CDH11: variants seen among roughly 807,000 people sequenced by gnomAD.
CDH11 encodes the protein cadherin-11.
Under a neutral mutation model 67.8 loss-of-function variants are expected in CDH11, and 11 were observed. That is an observed-to-expected ratio of 0.16 (90% CI 0.10 to 0.27). CDH11 has a LOEUF of 0.27. Among genes scored for constraint, CDH11 ranks in the 10% least tolerant of loss-of-function variants. The pLI is 1.00. For synonymous variants in CDH11, 419 were observed against 400.0 expected (o/e 1.05, Z -0.57); for missense variants, 847 against 1,031.2 (o/e 0.82, Z 2.45).
chr16:65,121,017 C>A lies in CDH11; in HGVS notation c.-298+863G>T, dbSNP rs1007991703. On this transcript the variant is annotated intron_variant, in intron 1 of 12. Coordinates refer to ENST00000268603, the MANE Select transcript of CDH11 (RefSeq NM_001797.4). The surrounding 1 kb of genome is among the most constrained non-coding windows in gnomAD (Gnocchi z 4.1). ...CGGGGCAGAGCGCAGGGAGGGAGGC[C>A]GTGCGTGCCGGGAGCTAGAGAGGCT... 1.3e-5 allele frequency among the ~76,000 whole-genome samples: 2 copies of A among 152,186 alleles called. No homozygotes were observed. Among genetic ancestry groups the A allele is most frequent in the Non-Finnish European group, 2.9e-5 (2 of 68,034 alleles).
In CDH11 at chr16:64,950,780, G is replaced by T. The variant is rs1275134194; in HGVS notation, c.1881C>A (p.Ile627=). ...AAGCGCCCTTACCCAGGAGAATGACGATGCAGGCGAGGATGGCGATCAGGG... is the reference window on the plus strand; with the variant it reads ...AAGCGCCCTTACCCAGGAGAATGACTATGCAGGCGAGGATGGCGATCAGGG... ...TGALIAILAC[I]VILLVIVVLF... The change falls in exon 12 of 13, where the codon ATC becomes ATA. Residue 627 remains isoleucine (I), a synonymous_variant. Transcript: ENST00000268603. The T allele has an allele frequency of 6.2e-7, 1 of 1,613,696 alleles. No homozygotes were observed. Among genetic ancestry groups the T allele is most frequent in the South Asian group, 1.1e-5 (1 of 91,066 alleles).
intron 1 of CDH11, among the ~76,000 whole-genome samples, chr16:65,074,414 C>T (rs1029336070): frequency 1.2e-4 from 18 of 152,278 alleles, no homozygotes; most frequent in Admixed American, 5.9e-4. Context: ...TGCAACCCCC[C>T]GGCTTAACTT....
At chr16:65,000,141 G>A (rs1000241475) in intron 3 of CDH11, among the ~76,000 whole-genome samples, 2 of 152,250 alleles carry the variant, frequency 1.3e-5, no homozygotes, top group South Asian at 2.1e-4. Context: ...GATGATATTT[G>A]CCTAAATTCA....
chr16:65,118,108 T>C (rs1269609982), intron 1 of CDH11, among the ~76,000 whole-genome samples: 5 of 152,184 alleles, frequency 3.3e-5, no homozygotes, highest in East Asian at 1.9e-4. Flanking sequence ...CCGCTTTTCA[T>C]GATGCCCTCA....
At chr16:65,064,400 A>C (rs563861891) in intron 1 of CDH11, among the ~76,000 whole-genome samples, 2 of 152,342 alleles carry the variant, frequency 1.3e-5, no homozygotes, top group South Asian at 4.1e-4. Context: ...TGTTTCTGAC[A>C]CAAATTTACT....
intron 2 of CDH11, among the ~76,000 whole-genome samples, chr16:65,022,051 C>T (rs2073439042): frequency 6.6e-6 from 1 of 152,058 alleles, no homozygotes; most frequent in South Asian, 2.1e-4. Flanking sequence ...CTTTTACTCA[C>T]TAAGCTACAG....
chr16:64,954,000 T>C (rs2071435020), intron 11 of CDH11, among the ~76,000 whole-genome samples: 1 of 152,212 alleles, frequency 6.6e-6, no homozygotes, highest in Non-Finnish European at 1.5e-5. Flanking sequence ...ATTTAAAATC[T>C]ATTCTTCAAT....
intron 7 of CDH11, chr16:64,985,594 A>C (rs1427910589): frequency 6.6e-6 from 1 of 151,790 alleles, no homozygotes; most frequent in Admixed American, 6.6e-5. Flanking sequence ...TTCATGTCCC[A>C]TGTGCATAGG....
intron 1 of CDH11, among the ~76,000 whole-genome samples, chr16:65,054,265 T>G (rs1456724619): frequency 6.6e-6 from 1 of 152,178 alleles, no homozygotes; most frequent in East Asian, 1.9e-4. Context: ...GGGGAAGGTA[T>G]GAAAACTTAG....
At chr16:65,016,693 C>T (rs2073317249) in intron 2 of CDH11, among the ~76,000 whole-genome samples, 1 of 152,160 alleles carries the variant, frequency 6.6e-6, no homozygotes, top group African/African-American at 2.4e-5. Flanking sequence ...GGGTTCTTGG[C>T]TTCACACAGG....
intron 1 of CDH11, among the ~76,000 whole-genome samples, chr16:65,071,287 G>A (rs575482800): frequency 3.3e-5 from 5 of 152,244 alleles, no homozygotes; most frequent in African/African-American, 4.8e-5. Context: ...ACATAGCAAC[G>A]GAAAATGCCA....
At chr16:65,072,237 C>T (rs534566901) in intron 1 of CDH11, 1 of 152,660 alleles carries the variant, frequency 6.6e-6, no homozygotes, top group Non-Finnish European at 1.5e-5. Flanking sequence ...GGAGAGGCGG[C>T]TCCTGATCCC....
At chr16:64,994,567 A>G (rs898111252) in intron 4 of CDH11, among the ~76,000 whole-genome samples, 2 of 152,188 alleles carry the variant, frequency 1.3e-5, no homozygotes, top group African/African-American at 2.4e-5. Context: ...TCTCAAAATA[A>G]TAAGAGCAAT....
At chr16:64,984,713 A>T (rs1417450542) in intron 7 of CDH11, 1 of 152,244 alleles carries the variant, frequency 6.6e-6, no homozygotes, top group African/African-American at 2.4e-5. Flanking sequence ...GTGAGATTTT[A>T]TTAAGGACAT....
intron 4 of CDH11, among the ~76,000 whole-genome samples, chr16:64,997,496 C>T (rs994721647): frequency 5.3e-5 from 8 of 151,882 alleles, no homozygotes; most frequent in African/African-American, 1.7e-4. Flanking sequence ...CCTTTCCACC[C>T]CATCCCCACC....
chr16:65,037,921 C>A (rs1004587824), intron 2 of CDH11, among the ~76,000 whole-genome samples: 7 of 152,088 alleles, frequency 4.6e-5, no homozygotes, highest in African/African-American at 1.4e-4. Context: ...TGAATCCAAC[C>A]CCTCTGATGA....
At position 64,973,047 on chromosome 16, in the gene CDH11, A is replaced by C; in HGVS notation, c.1254-7T>G. 6.2e-7 allele frequency: 1 copy of C among 1,612,948 alleles called. No individual in the cohort carries two copies. Among genetic ancestry groups the C allele is most frequent in the Non-Finnish European group, 8.5e-7 (1 of 1,179,498 alleles). On this transcript the variant is annotated splice_region_variant and splice_polypyrimidine_tract_variant and intron_variant, in intron 8 of 12. Transcript: ENST00000268603. ...GTGACGATCGATGGAATACCTAAGC[A>C]GAATGCAAATGAGGCAATTAGACCA...
intron 1 of CDH11, among the ~76,000 whole-genome samples, chr16:65,098,418 C>A (rs1344902877): frequency 6.6e-6 from 1 of 152,140 alleles, no homozygotes; most frequent in East Asian, 1.9e-4. Flanking sequence ...GACCCTCCTT[C>A]TCTGGGTATG....
At position 64,945,544 on chromosome 16, in the gene CDH11, G is replaced by A; in HGVS notation, c.*2059C>T. The A allele has an allele frequency of 9.7e-7, 1 of 1,030,556 alleles. No homozygotes were observed. Among genetic ancestry groups the A allele is most frequent in the Non-Finnish European group, 1.2e-6 (1 of 856,732 alleles). The allele number at this position is 1,030,556 out of a possible 1,614,324, so 63.8% of individuals were successfully genotyped here. Reference sequence around the variant, plus strand: ...TCATTGCAAATTCAATTGGAGATCTGTGCAAATCTAGCAAAATATTCTTTG... The same window carrying A: ...TCATTGCAAATTCAATTGGAGATCTATGCAAATCTAGCAAAATATTCTTTG... On this transcript the variant is annotated 3_prime_UTR_variant, in exon 13 of 13. Coordinates refer to ENST00000268603, the MANE Select transcript of CDH11 (RefSeq NM_001797.4).
Sources: allele counts gnomAD v4.1 joint callset (sites outside exome capture counted in the v4.1 genomes callset), GRCh38; gene constraint gnomAD v4.1.1; non-coding constraint Gnocchi (gnomAD v3.1); transcripts MANE v1.5; gene names NCBI Gene and HGNC (gene_info 2026-07-23, HGNC 2026-07-21).